The following ARHGAP24 variants were observed in gnomAD, a reference collection of about 807,000 sequenced individuals.
ARHGAP24 encodes the protein Rho GTPase activating protein 24.
Under a neutral mutation model 76.4 loss-of-function variants are expected in ARHGAP24, and 50 were observed. That is an observed-to-expected ratio of 0.65 (90% CI 0.52 to 0.83). ARHGAP24 has a LOEUF of 0.83. ARHGAP24 is among the 40% of genes least tolerant of loss of function. The pLI is 0.00. For synonymous variants in ARHGAP24, 345 were observed against 323.3 expected (o/e 1.07, Z -0.72); for missense variants, 930 against 914.2 (o/e 1.02, Z -0.22).
chr4:85,809,193 CATTG>C (rs1458076069), intron 3 of ARHGAP24, among the ~76,000 whole-genome samples: 1 of 152,266 alleles, frequency 6.6e-6, no homozygotes, highest in African/African-American at 2.4e-5. Flanking sequence ...TCACTATAAA[CATTG>C]ATTGACATAT....
At chr4:85,864,656 G>T (rs1489130188) in intron 3 of ARHGAP24, among the ~76,000 whole-genome samples, 1 of 151,786 alleles carries the variant, frequency 6.6e-6, no homozygotes, top group Non-Finnish European at 1.5e-5. Flanking sequence ...AGCTTAGGGA[G>T]TGGGTGAGGC....
chr4:85,901,087 ATGCAC>A (rs147277063), intron 3 of ARHGAP24, among the ~76,000 whole-genome samples: 2,346 of 152,330 alleles, frequency 0.015, 43 homozygotes, highest in East Asian at 0.11. Flanking sequence ...TTAATTATAT[ATGCAC>A]TGGCCAATTT....
At chr4:85,861,002 A>G (rs973465913) in intron 3 of ARHGAP24, among the ~76,000 whole-genome samples, 15 of 122,758 alleles carry the variant, frequency 1.2e-4, no homozygotes, top group African/African-American at 3.1e-4. Flanking sequence ...GCATGCACGC[A>G]CACACACACA....
intron 5 of ARHGAP24, among the ~76,000 whole-genome samples, chr4:85,964,095 AT>A (rs2148844613): frequency 1.3e-5 from 2 of 152,212 alleles, no homozygotes; most frequent in African/African-American, 4.8e-5. Flanking sequence ...GAAAGTATGG[AT>A]TCATAAGCTG....
intron 3 of ARHGAP24, among the ~76,000 whole-genome samples, chr4:85,895,143 A>G (rs746543537): frequency 2.0e-4 from 31 of 152,032 alleles, no homozygotes; most frequent in Non-Finnish European, 3.7e-4. Context: ...AATCTCAGTA[A>G]TCACCACTGA....
intron 3 of ARHGAP24, among the ~76,000 whole-genome samples, chr4:85,850,855 T>A (rs1386985620): frequency 2.0e-5 from 3 of 152,208 alleles, no homozygotes; most frequent in African/African-American, 7.2e-5. Flanking sequence ...TGCTGAGAAG[T>A]ACTTTACTTC....
rs910142713 is a variant in ARHGAP24, at chr4:85,683,709, T to C, written c.181-38176T>C. On this transcript the variant is annotated intron_variant, in intron 2 of 9. Transcript: ENST00000395184. ...AGCAGATCTCTAGAGCTTTCTCATC[T>C]TGCATGACTAAGACTTATACTCACT... Among the ~76,000 whole-genome samples, 60 of 152,184 alleles carry C rather than the reference T, an allele frequency of 3.9e-4. 1 individual carries two copies. Among genetic ancestry groups the C allele is most frequent in the Non-Finnish European group, 4.4e-4 (30 of 68,024 alleles).
intron 1 of ARHGAP24, among the ~76,000 whole-genome samples, chr4:85,554,137 C>T (rs1289395326): frequency 6.6e-6 from 1 of 152,146 alleles, no homozygotes; most frequent in South Asian, 2.1e-4. Context: ...AGCCTTCAAT[C>T]TCTTCTGGTT....
At chr4:85,482,248 A>G (rs1338779602) in intron 1 of ARHGAP24, among the ~76,000 whole-genome samples, 1 of 152,240 alleles carries the variant, frequency 6.6e-6, no homozygotes, top group Non-Finnish European at 1.5e-5. Context: ...GAAATCGTCA[A>G]GTGAAATGTT....
intron 3 of ARHGAP24, among the ~76,000 whole-genome samples, chr4:85,775,704 C>G (rs1430506567): frequency 6.6e-6 from 1 of 151,816 alleles, no homozygotes; most frequent in Non-Finnish European, 1.5e-5. Flanking sequence ...TAAACTGAAG[C>G]TAAATCATGT....
At chr4:85,985,970 C>A (rs1402793627) in intron 8 of ARHGAP24, among the ~76,000 whole-genome samples, 1 of 152,104 alleles carries the variant, frequency 6.6e-6, no homozygotes, top group African/African-American at 2.4e-5. Context: ...TATTTACTAA[C>A]CCATAATAGT....
intron 4 of ARHGAP24, among the ~76,000 whole-genome samples, chr4:85,928,982 G>A (rs1355629512): frequency 6.6e-6 from 1 of 152,204 alleles, no homozygotes; most frequent in Non-Finnish European, 1.5e-5. Flanking sequence ...CACAGACCAA[G>A]TGCACAATCT....
intron 3 of ARHGAP24, 132 bp downstream of exon 3, chr4:85,722,104 G>T: frequency 3.7e-6 from 3 of 801,776 alleles, no homozygotes; most frequent in Non-Finnish European, 6.2e-6. Context: ...TAGTGTTGAC[G>T]CAGATAATGA....
chr4:85,787,862 G>A (rs190025213), intron 3 of ARHGAP24, among the ~76,000 whole-genome samples: 2 of 152,276 alleles, frequency 1.3e-5, no homozygotes, highest in Non-Finnish European at 2.9e-5. Context: ...AAATCTAAGA[G>A]CAAAGGAACC....
At chr4:85,539,683 A>G (rs1725603798) in intron 1 of ARHGAP24, among the ~76,000 whole-genome samples, 1 of 152,230 alleles carries the variant, frequency 6.6e-6, no homozygotes, top group Non-Finnish European at 1.5e-5. Flanking sequence ...AGCCTTTGCA[A>G]CTTTCAAATT....
chr4:85,956,661 C>T (rs921538978), intron 5 of ARHGAP24, among the ~76,000 whole-genome samples: 7 of 152,296 alleles, frequency 4.6e-5, no homozygotes, highest in African/African-American at 1.7e-4. Flanking sequence ...TAGTGTTCAG[C>T]TCCATTAGGA....
intron 3 of ARHGAP24, among the ~76,000 whole-genome samples, chr4:85,914,686 T>G (rs1424034462): frequency 1.3e-5 from 2 of 152,178 alleles, no homozygotes; most frequent in African/African-American, 4.8e-5. Flanking sequence ...TCTCACCAAT[T>G]TTCCTCAGTA....
chr4:85,969,947 G>A (rs1208574900), intron 5 of ARHGAP24, among the ~76,000 whole-genome samples: 1 of 152,076 alleles, frequency 6.6e-6, no homozygotes, highest in Non-Finnish European at 1.5e-5. Context: ...ATTTTAGAAA[G>A]AAAAACATAT....
intron 3 of ARHGAP24, among the ~76,000 whole-genome samples, chr4:85,820,580 T>A (rs1037075255): frequency 1.2e-4 from 18 of 152,170 alleles, no homozygotes; most frequent in African/African-American, 3.4e-4. Flanking sequence ...CAAGCCCCCA[T>A]GAGATGCAAT....
Sources: gnomAD v4.1 joint callset for allele counts (sites outside exome capture counted in the v4.1 genomes callset) on GRCh38, gnomAD v4.1.1 for gene constraint, MANE v1.5 for transcripts, NCBI Gene and HGNC (gene_info 2026-07-23, HGNC 2026-07-21) for gene names.